FBXO34: variants seen among roughly 807,000 people sequenced by gnomAD.
The protein encoded by FBXO34 is F-box protein 34, also known as F-box only protein 34.
FBXO34 carries 12 observed loss-of-function variants against 24.5 expected under a neutral mutation model. That is an observed-to-expected ratio of 0.49 (90% CI 0.31 to 0.79). The LOEUF (loss-of-function observed/expected upper bound fraction) is 0.79. Ranked by LOEUF, FBXO34 falls within the 30% of genes least tolerant of loss-of-function variation. FBXO34 has a pLI of 0.04. For missense variants in FBXO34, 823 were observed against 857.7 expected (o/e 0.96, Z 0.51); for synonymous variants, 320 against 311.9 (o/e 1.03, Z -0.27).
At chr14:55,346,703 TG>T (rs1186519889) in intron 1 of FBXO34, among the ~76,000 whole-genome samples, 10 of 152,130 alleles carry the variant, frequency 6.6e-5, no homozygotes, top group African/African-American at 2.2e-4. Context: ...GAGGAGCTGG[TG>T]GTTGAAGAGG....
At chr14:55,328,641 A>G (rs1436495587) in intron 1 of FBXO34, among the ~76,000 whole-genome samples, 1 of 152,228 alleles carries the variant, frequency 6.6e-6, no homozygotes, top group African/African-American at 2.4e-5. Flanking sequence ...TGGGTAACCA[A>G]AACCATGGAT....
intron 3 of FBXO34, among the ~76,000 whole-genome samples, chr14:55,359,944 G>T (rs1031285257): frequency 6.6e-6 from 1 of 151,178 alleles, no homozygotes; most frequent in Non-Finnish European, 1.5e-5. Context: ...AAATGGTGTG[G>T]TAGTGTATGC....
At chr14:55,286,121 T>C (rs1253412248) in intron 1 of FBXO34, among the ~76,000 whole-genome samples, 1 of 152,202 alleles carries the variant, frequency 6.6e-6, no homozygotes, top group Non-Finnish European at 1.5e-5. Flanking sequence ...ATCAATAACT[T>C]AGAAGAGAAA....
At position 55,352,805 on chromosome 14, in the gene FBXO34, A is replaced by T; in HGVS notation, c.*279A>T. The T allele has an allele frequency of 2.8e-6, 1 of 357,122 alleles. No homozygotes were observed. The highest frequency in any genetic ancestry group is 5.3e-6 in the Non-Finnish European group (1 of 187,984). The allele number at this position is 357,122 out of a possible 1,614,324, so 22.1% of individuals were successfully genotyped here. Reference sequence around the variant, plus strand: ...CTGCCTGTTTTCCTAAATCAAACCCATCCTCAAAGGATGAAGACTCACCAC... The same window carrying T: ...CTGCCTGTTTTCCTAAATCAAACCCTTCCTCAAAGGATGAAGACTCACCAC... On this transcript the variant is annotated 3_prime_UTR_variant, in exon 2 of 2. Coordinates refer to ENST00000313833, the MANE Select transcript of FBXO34 (RefSeq NM_017943.4).
the FBXO34 span, among the ~76,000 whole-genome samples, chr14:55,377,603 A>G: frequency 6.6e-6 from 1 of 152,182 alleles, no homozygotes; most frequent in South Asian, 2.1e-4. Flanking sequence ...AGGTATTAAA[A>G]ATGATTGATA....
the FBXO34 span, among the ~76,000 whole-genome samples, chr14:55,415,927 T>C: frequency 2.6e-5 from 4 of 152,212 alleles, no homozygotes; most frequent in African/African-American, 7.2e-5. Context: ...AGAAATGAAG[T>C]ACACATGCTA....
intron 1 of FBXO34, among the ~76,000 whole-genome samples, chr14:55,332,908 A>G (rs148314289): frequency 4.6e-5 from 7 of 152,234 alleles, no homozygotes; most frequent in Non-Finnish European, 1.0e-4. Flanking sequence ...GACTGGGGAG[A>G]AGGATTGATC....
the FBXO34 span, chr14:55,436,791 T>G: frequency 6.2e-7 from 1 of 1,614,230 alleles, no homozygotes; most frequent in East Asian, 2.2e-5. Context: ...GACTTTGGCT[T>G]TCAGAATTTT....
rs181971639 is a variant in FBXO34 at position 55,324,828 on chromosome 14, C to G, written c.-10-25553C>G. On this transcript the variant is annotated intron_variant, in intron 1 of 1. Transcript: ENST00000313833. ...CTGTTTGGGCTGCTATTATAGAACA[C>G]CATACACTGGGTGGTTTATATACAA... Among the ~76,000 whole-genome samples, 23 of 152,208 alleles carry G rather than the reference C, an allele frequency of 1.5e-4. 4 individuals carry two copies. The highest frequency in any genetic ancestry group is 1.1e-3 in the Admixed American group (17 of 15,290).
chr14:55,388,941 G>A, the FBXO34 span, among the ~76,000 whole-genome samples: 4 of 152,006 alleles, frequency 2.6e-5, no homozygotes, highest in South Asian at 8.3e-4. Flanking sequence ...GAGTAAGCAC[G>A]TTGAAGCTTT....
rs536248973 is a variant in FBXO34, at chr14:55,319,561, G to A, written c.-10-30820G>A. 1.3e-5 allele frequency among the ~76,000 whole-genome samples: 2 copies of A among 152,258 alleles called. 1 individual carries two copies. Among genetic ancestry groups the A allele is most frequent in the African/African-American group, 4.8e-5 (2 of 41,548 alleles). On this transcript the variant is annotated intron_variant, in intron 1 of 1. Transcript: ENST00000313833. ...TTTTTAATCCTTTGTAATTTTTGGTGATAACCCTGGGATTCTCTTTCCCTG... is the reference window on the plus strand; with the variant it reads ...TTTTTAATCCTTTGTAATTTTTGGTAATAACCCTGGGATTCTCTTTCCCTG...
chr14:55,429,404 T>G, the FBXO34 span, among the ~76,000 whole-genome samples: 1 of 152,206 alleles, frequency 6.6e-6, no homozygotes, highest in Non-Finnish European at 1.5e-5. Flanking sequence ...ACAAGCCCTC[T>G]AGGTAACTGT....
the FBXO34 span, among the ~76,000 whole-genome samples, chr14:55,418,512 A>T: frequency 6.6e-6 from 1 of 152,194 alleles, no homozygotes; most frequent in Non-Finnish European, 1.5e-5. Context: ...TCATTTTATG[A>T]CATATACCAA....
At chr14:55,340,376 T>C in intron 1 of FBXO34, among the ~76,000 whole-genome samples, 1 of 150,930 alleles carries the variant, frequency 6.6e-6, no homozygotes, top group East Asian at 1.9e-4. Flanking sequence ...CAAATAGGAC[T>C]ACAAATACAG....
chr14:55,429,271 G>A, the FBXO34 span, among the ~76,000 whole-genome samples: 1 of 152,204 alleles, frequency 6.6e-6, no homozygotes, highest in Non-Finnish European at 1.5e-5. Flanking sequence ...CGATTCCAAG[G>A]ATTCGCAAAG....
chr14:55,307,203 ATGGTTCTTTTTTCCGCCCCT>A (rs1285635951), intron 1 of FBXO34, among the ~76,000 whole-genome samples: 25 of 152,194 alleles, frequency 1.6e-4, no homozygotes, highest in Non-Finnish European at 1.9e-4. Context: ...ATGACAGATA[ATGGTTCTTTTTTCCGCCCCT>A]CTGTTTAGCA....
intron 1 of FBXO34, among the ~76,000 whole-genome samples, chr14:55,281,804 G>A (rs1881552900): frequency 6.6e-6 from 1 of 152,046 alleles, no homozygotes; most frequent in Non-Finnish European, 1.5e-5. Context: ...TTTGTTTCAC[G>A]TGTAATGAGC....
chr14:55,373,617 G>A (rs189968916), downstream of FBXO34, among the ~76,000 whole-genome samples: 5 of 152,050 alleles, frequency 3.3e-5, no homozygotes, highest in Admixed American at 3.3e-4. Flanking sequence ...CCGCCACCAC[G>A]CCCAGATAAT....
At chr14:55,428,401 A>G in the FBXO34 span, among the ~76,000 whole-genome samples, 11,193 of 152,054 alleles carry the variant, frequency 0.074, 428 homozygotes, top group Non-Finnish European at 0.085. Flanking sequence ...CACATGCCTT[A>G]TCTTGCCAGT....
Sources: allele counts gnomAD v4.1 joint callset (sites outside exome capture counted in the v4.1 genomes callset), GRCh38; gene constraint gnomAD v4.1.1; transcripts MANE v1.5; gene names NCBI Gene and HGNC (gene_info 2026-07-23, HGNC 2026-07-21).